The following CEP63 variants were observed in gnomAD, a reference collection of about 807,000 sequenced individuals.
CEP63 encodes centrosomal protein of 63 kDa.
CEP63 carries 84 observed loss-of-function variants against 89.1 expected under a neutral mutation model. The ratio of observed to expected loss-of-function variants is 0.94; its 90% CI spans 0.79 to 1.13. The LOEUF is 1.13. CEP63 is among the 50% of genes most tolerant of loss of function. The probability of loss-of-function intolerance (pLI) is 0.00; values close to 1 mark genes in which losing one functional copy is unlikely to be tolerated. For missense variants in CEP63, 838 were observed against 813.3 expected, an observed-to-expected ratio of 1.03 and a Z score of -0.37; for synonymous variants, 267 against 272.5, an observed-to-expected ratio of 0.98 and a Z score of 0.20.
the CEP63 span, among the ~76,000 whole-genome samples, chr3:134,720,959 C>T: frequency 4.8e-3 from 735 of 152,110 alleles, 3 homozygotes; most frequent in African/African-American, 0.016. Flanking sequence ...GGCTATTTTG[C>T]GTCTCTAAAA....
chr3:134,619,982 T>C, the CEP63 span: 6 of 152,294 alleles, frequency 3.9e-5, no homozygotes. Flanking sequence ...CTAAGCTGCA[T>C]TCCAAACTGT....
the CEP63 span, among the ~76,000 whole-genome samples, chr3:134,778,581 C>T: frequency 6.6e-6 from 1 of 151,740 alleles, no homozygotes. Context: ...TTTTTTGAGA[C>T]AGAGTCTCGC....
chr3:134,488,885 C>G (rs973721200), intron 1 of CEP63, among the ~76,000 whole-genome samples: 12 of 151,748 alleles, frequency 7.9e-5, no homozygotes, highest in African/African-American at 2.9e-4. Flanking sequence ...AGGCTGGGCG[C>G]GGTGGCTCAC....
intron 12 of CEP63, chr3:134,552,294 C>T (rs1407716135): frequency 1.3e-5 from 3 of 223,346 alleles, no homozygotes; most frequent in Non-Finnish European, 2.7e-5. Flanking sequence ...GCCTCCACCT[C>T]CCGGGTTCAA....
chr3:134,532,085 T>G (rs1949962823), intron 4 of CEP63, 145 bp downstream of exon 4: 1 of 617,086 alleles, frequency 1.6e-6, no homozygotes, highest in African/African-American at 1.9e-5. Flanking sequence ...TCCATTTCTC[T>G]GTTCTTTAAT....
the CEP63 span, among the ~76,000 whole-genome samples, chr3:134,764,761 A>C: frequency 6.6e-6 from 1 of 152,184 alleles, no homozygotes; most frequent in Non-Finnish European, 1.5e-5. Context: ...ATCTGCAGTG[A>C]CATCTTCATC....
the CEP63 span, among the ~76,000 whole-genome samples, chr3:134,714,998 G>A: frequency 1.3e-4 from 20 of 152,212 alleles, no homozygotes; most frequent in African/African-American, 4.8e-4. Flanking sequence ...AGGGAGGCAG[G>A]CCATCCAGGG....
chr3:134,543,888 G>T (rs904597949), intron 6 of CEP63, among the ~76,000 whole-genome samples: 15 of 151,710 alleles, frequency 9.9e-5, no homozygotes, highest in African/African-American at 3.6e-4. Flanking sequence ...ACAGTTCCAT[G>T]CTTAGCAGTT....
the CEP63 span, among the ~76,000 whole-genome samples, chr3:134,756,447 G>A: frequency 3.3e-5 from 5 of 152,206 alleles, no homozygotes; most frequent in African/African-American, 4.8e-5. Context: ...GGGCTTAAGC[G>A]ATTCTCCCAC....
intron 3 of CEP63, among the ~76,000 whole-genome samples, chr3:134,519,573 G>T (rs997467218): frequency 3.9e-5 from 6 of 152,120 alleles, no homozygotes; most frequent in African/African-American, 1.4e-4. Flanking sequence ...CAGAAGAAAA[G>T]ATAAGATTTT....
chr3:134,625,507 T>TC, the CEP63 span, among the ~76,000 whole-genome samples: 1 of 152,248 alleles, frequency 6.6e-6, no homozygotes, highest in East Asian at 1.9e-4. Context: ...CTGTTATTTT[T>TC]CCCAGGAATG....
At chr3:134,493,278 C>T (rs1318667125) in intron 1 of CEP63, among the ~76,000 whole-genome samples, 1 of 151,770 alleles carries the variant, frequency 6.6e-6, no homozygotes, top group Non-Finnish European at 1.5e-5. Flanking sequence ...TCATGCCCCT[C>T]ATTTTGCAGA....
chr3:134,741,873 G>A, the CEP63 span, among the ~76,000 whole-genome samples: 2,388 of 152,176 alleles, frequency 0.016, 60 homozygotes, highest in African/African-American at 0.055. Flanking sequence ...CCTCTGAGGG[G>A]ATCTGTGTTT....
the CEP63 span, among the ~76,000 whole-genome samples, chr3:134,694,783 C>A: frequency 6.6e-6 from 1 of 152,224 alleles, no homozygotes; most frequent in Non-Finnish European, 1.5e-5. Flanking sequence ...TGACACCCTG[C>A]AACCTAGACA....
At chr3:134,512,856 A>G (rs1179395366) in intron 3 of CEP63, among the ~76,000 whole-genome samples, 1 of 152,224 alleles carries the variant, frequency 6.6e-6, no homozygotes, top group African/African-American at 2.4e-5. Context: ...AATATTATTC[A>G]CAGTTGAGTC....
At chr3:134,739,038 G>T in the CEP63 span, among the ~76,000 whole-genome samples, 1 of 151,936 alleles carries the variant, frequency 6.6e-6, no homozygotes. Context: ...TACACTGTTG[G>T]TGGGAATGTA....
chr3:134,715,117 T>C, the CEP63 span, among the ~76,000 whole-genome samples: 1 of 152,192 alleles, frequency 6.6e-6, no homozygotes, highest in Non-Finnish European at 1.5e-5. Context: ...CCCAACTCTT[T>C]TGAGCTCATG....
intron 2 of CEP63, among the ~76,000 whole-genome samples, chr3:134,496,261 A>G (rs1050720925): frequency 2.0e-5 from 3 of 152,176 alleles, no homozygotes; most frequent in African/African-American, 7.2e-5. Context: ...CCCTAGTACT[A>G]CCAGTTCACT....
At chr3:134,519,031 C>A (rs559196798) in intron 3 of CEP63, among the ~76,000 whole-genome samples, 1 of 152,078 alleles carries the variant, frequency 6.6e-6, no homozygotes, top group East Asian at 1.9e-4. Context: ...CCCACCCCCC[C>A]ACCACAGTAA....
Sources: allele counts gnomAD v4.1 joint callset (sites outside exome capture counted in the v4.1 genomes callset), GRCh38; gene constraint gnomAD v4.1.1; transcripts MANE v1.5; gene names NCBI Gene and HGNC (gene_info 2026-07-23, HGNC 2026-07-21).